Variants in ANKRD42 observed in about 807,000 individuals in gnomAD.
ANKRD42 encodes ankyrin repeat domain 42.
ANKRD42 carries 43 observed loss-of-function variants against 51.5 expected under a neutral mutation model. That is an observed-to-expected ratio of 0.83 (90% CI 0.65 to 1.08). The LOEUF (loss-of-function observed/expected upper bound fraction) is 1.08, where lower values mean the gene tolerates loss of function less well. Among genes scored for constraint, ANKRD42 ranks in the 50% least tolerant of loss-of-function variants. ANKRD42 has a pLI of 0.00. For missense variants in ANKRD42, 608 were observed against 629.3 expected (o/e 0.97, Z 0.36); for synonymous variants, 203 against 213.0 (o/e 0.95, Z 0.41).
intron 5 of ANKRD42, among the ~76,000 whole-genome samples, chr11:83,218,699 C>T (rs564350715): frequency 7.2e-5 from 11 of 152,168 alleles, no homozygotes; most frequent in South Asian, 2.1e-4. Context: ...TTTAACACTT[C>T]GGTGGGGCTG....
At chr11:83,250,257 G>T (rs1020082221), downstream of ANKRD42, among the ~76,000 whole-genome samples, 3 of 152,028 alleles carry the variant, frequency 2.0e-5, no homozygotes, top group African/African-American at 7.3e-5. Flanking sequence ...ATCTGCAATA[G>T]TATAATTTTT....
At chr11:83,213,518 G>C (rs1340518709) in intron 5 of ANKRD42, 11 of 1,288,722 alleles carry the variant, frequency 8.5e-6, no homozygotes, top group African/African-American at 3.0e-5. Flanking sequence ...TTTTCAGACT[G>C]CTTTCAATTT....
intron 10 of ANKRD42, 144 bp from the exon 11 acceptor site, chr11:83,247,799 A>G (rs1195406387): frequency 1.3e-5 from 10 of 791,754 alleles, no homozygotes; most frequent in Non-Finnish European, 1.9e-5. Flanking sequence ...GCTCATTCTT[A>G]GTAGACCCTT....
intron 8 of ANKRD42, among the ~76,000 whole-genome samples, chr11:83,238,471 G>T (rs376602515): frequency 9.2e-5 from 14 of 152,290 alleles, no homozygotes; most frequent in African/African-American, 3.4e-4. Context: ...CAAGGCAGTG[G>T]ATCACTTGAG....
intron 5 of ANKRD42, among the ~76,000 whole-genome samples, chr11:83,224,040 T>G (rs541657608): frequency 6.6e-5 from 10 of 152,168 alleles, no homozygotes; most frequent in African/African-American, 2.4e-4. Flanking sequence ...ATTTCTTGTC[T>G]GTTCATGGCA....
chr11:83,225,160 A>G (rs1274297458), intron 6 of ANKRD42, 105 bp downstream of exon 6: 4 of 887,366 alleles, frequency 4.5e-6, no homozygotes, highest in Non-Finnish European at 6.6e-6. Context: ...GGCAAATGTT[A>G]TATACGTTAT....
At chr11:83,195,132 C>G (rs945575605) in intron 1 of ANKRD42, among the ~76,000 whole-genome samples, 1 of 152,202 alleles carries the variant, frequency 6.6e-6, no homozygotes, top group Non-Finnish European at 1.5e-5. Flanking sequence ...CTGCCATCTT[C>G]TTAAATGCAG....
intron 6 of ANKRD42, among the ~76,000 whole-genome samples, chr11:83,226,214 CACACACACACACAT>C (rs1411982386): frequency 2.7e-5 from 4 of 150,500 alleles, no homozygotes; most frequent in East Asian, 1.9e-4. Context: ...TACACATACA[CACACACACACACAT>C]ACACACACAC....
chr11:83,249,660 T>C (rs1863640387), downstream of ANKRD42, among the ~76,000 whole-genome samples: 1 of 152,194 alleles, frequency 6.6e-6, no homozygotes, highest in African/African-American at 2.4e-5. Flanking sequence ...CTACCAACAA[T>C]GTGTAGGCTT....
At chr11:83,252,016 C>T (rs1205466573), downstream of ANKRD42, among the ~76,000 whole-genome samples, 2 of 152,130 alleles carry the variant, frequency 1.3e-5, no homozygotes, top group Non-Finnish European at 2.9e-5. Flanking sequence ...GCTTTTCTTT[C>T]TTCTCTCCTA....
At position 83,198,588 on chromosome 11, in the gene ANKRD42, T is replaced by TG. The variant is rs1861751522; in HGVS notation, c.169dup (p.Val57GlyfsTer4). ...GTGGAGCCAGCATTAATGAACTTGATGTTCTCCATAAGTTTACCCCTTTAC... is the reference window on the plus strand; with the variant it reads ...GTGGAGCCAGCATTAATGAACTTGATGGTTCTCCATAAGTTTACCCCTTTAC... On this transcript the variant is annotated frameshift_variant, in exon 2 of 11. Coordinates refer to ENST00000533342, the MANE Select transcript of ANKRD42 (RefSeq NM_001300975.2). LOFTEE classifies it high-confidence loss of function. The TG allele has an allele frequency of 6.2e-7, 1 of 1,612,804 alleles. No individual in the cohort carries two copies. Among genetic ancestry groups the TG allele is most frequent in the Admixed American group, 1.7e-5 (1 of 59,932 alleles).
chr11:83,255,889 A>G, exon 12 of ANKRD42: 4 of 1,492,090 alleles, frequency 2.7e-6, no homozygotes, highest in Non-Finnish European at 2.7e-6. Flanking sequence ...AGAGGCGAGT[A>G]AAAAAAAAGG....
intron 8 of ANKRD42, among the ~76,000 whole-genome samples, chr11:83,237,377 G>GA (rs1464662609): frequency 1.4e-5 from 2 of 140,298 alleles, no homozygotes; most frequent in African/African-American, 2.6e-5. Context: ...AGAGGTGAAA[G>GA]AAAAAACTTT....
At chr11:83,250,955 C>T (rs1325105063), downstream of ANKRD42, among the ~76,000 whole-genome samples, 1 of 152,142 alleles carries the variant, frequency 6.6e-6, no homozygotes, top group East Asian at 1.9e-4. Flanking sequence ...CTATCCAAAT[C>T]CATTTGACTC....
At chr11:83,256,954 T>C (rs1565201872), downstream of ANKRD42, among the ~76,000 whole-genome samples, 1 of 152,138 alleles carries the variant, frequency 6.6e-6, no homozygotes, top group Non-Finnish European at 1.5e-5. Flanking sequence ...ATGGCTGTCA[T>C]TGGGAGAATT....
intron 3 of ANKRD42, among the ~76,000 whole-genome samples, chr11:83,208,529 G>C (rs2135496499): frequency 6.6e-6 from 1 of 152,294 alleles, no homozygotes; most frequent in Non-Finnish European, 1.5e-5. Flanking sequence ...GAGTTAAGAA[G>C]ATCAGTTAGA....
Position 83,224,656 on chromosome 11 carries a change from G to A in ANKRD42, c.587-199G>A, listed in dbSNP as rs538528780. Among the ~76,000 whole-genome samples, 510 of 152,128 alleles carry A rather than the reference G, an allele frequency of 3.4e-3. 2 individuals are homozygous for A. The highest frequency in any genetic ancestry group is 0.017 in the South Asian group (80 of 4,814). On this transcript the variant is annotated intron_variant, in intron 5 of 10. Transcript: ENST00000533342. The stretch of plus-strand genomic sequence containing the variant: ...AATTCTGCCAGGCATGGTAGCTCCT[G>A]CCTGTACTCCCAGCTACTTGGGAGG...
chr11:83,212,478 C>T (rs1221183318), intron 5 of ANKRD42, among the ~76,000 whole-genome samples: 4 of 152,166 alleles, frequency 2.6e-5, no homozygotes, highest in African/African-American at 9.7e-5. Flanking sequence ...AGTAAAGTGG[C>T]CAGTGGAGAC....
chr11:83,210,270 G>T lies in ANKRD42; in HGVS notation c.331-30G>T, dbSNP rs1254746314. The T allele has an allele frequency of 3.1e-6, 5 of 1,605,524 alleles. No homozygotes were observed. The South Asian group carries it at 5.5e-5, about 18-fold the overall frequency. On this transcript the variant is annotated intron_variant, in intron 3 of 10. Coordinates refer to ENST00000533342, the MANE Select transcript of ANKRD42 (RefSeq NM_001300975.2). The stretch of plus-strand genomic sequence containing the variant: ...TTTATGGTTTAACATCTATACTCAT[G>T]TAAAGTCTTTCCTATTTCTCTATTT...
Sources: allele counts gnomAD v4.1 joint callset (sites outside exome capture counted in the v4.1 genomes callset), GRCh38; gene constraint gnomAD v4.1.1; transcripts MANE v1.5; gene names NCBI Gene and HGNC (gene_info 2026-07-23, HGNC 2026-07-21).